The following PSMD6 variants were observed in gnomAD, a reference collection of about 807,000 sequenced individuals.
The protein encoded by PSMD6 is proteasome 26S subunit, non-ATPase 6, also known as 26S proteasome non-ATPase regulatory subunit 6.
PSMD6 carries 7 observed loss-of-function variants against 44.9 expected under a neutral mutation model. The observed-to-expected ratio is 0.16, with a 90% CI of 0.09 to 0.29. The LOEUF (loss-of-function observed/expected upper bound fraction) is 0.29. Ranked by LOEUF, PSMD6 falls within the 10% of genes least tolerant of loss-of-function variation. PSMD6 has a pLI of 1.00. For synonymous variants in PSMD6, 184 were observed against 172.7 expected (o/e 1.07, Z -0.51); for missense variants, 420 against 482.6 (o/e 0.87, Z 1.21).
At chr3:64,017,008 G>A (rs2076054413) in intron 5 of PSMD6, 1 of 152,146 alleles carries the variant, frequency 6.6e-6, no homozygotes, top group Non-Finnish European at 1.5e-5. Context: ...GCTACAACAT[G>A]GATGAATGTG....
At position 64,023,318 on chromosome 3, in the gene PSMD6, G is replaced by A. The variant is rs765219283; in HGVS notation, c.102C>T (p.Asp34=). The part of the protein sequence containing the change: ...FLLSLPEHRG[D]AAVRDELMAA... ...CCATCAGCTCGTCGCGCACGGCAGCGTCTCCGCGGTGCTCGGGCAGGCTGA... is the reference window on the plus strand; with the variant it reads ...CCATCAGCTCGTCGCGCACGGCAGCATCTCCGCGGTGCTCGGGCAGGCTGA... The change falls in exon 1 of 8, where the codon GAC becomes GAT. Residue 34 remains aspartate, a synonymous_variant. Coordinates refer to ENST00000295901, the MANE Select transcript of PSMD6 (RefSeq NM_014814.3). 79 of 1,597,402 alleles carry A rather than the reference G, an allele frequency of 4.9e-5. 1 individual carries two copies. Among genetic ancestry groups the A allele is most frequent in the Non-Finnish European group, 6.3e-5 (74 of 1,172,626 alleles).
At chr3:64,011,507 A>AAAAAG (rs2075950185) in intron 6 of PSMD6, 1 of 149,086 alleles carries the variant, frequency 6.7e-6, no homozygotes, top group African/African-American at 2.6e-5. Context: ...TAAGGGAGAA[A>AAAAAG]AAAAGAATAA....
At chr3:64,020,163 A>G (rs1031438517) in intron 2 of PSMD6, among the ~76,000 whole-genome samples, 1 of 152,226 alleles carries the variant, frequency 6.6e-6, no homozygotes, top group African/African-American at 2.4e-5. Flanking sequence ...AAATAAGACT[A>G]ATGAGATATG....
At chr3:64,020,495 T>G (rs1228117479) in intron 2 of PSMD6, among the ~76,000 whole-genome samples, 1 of 152,196 alleles carries the variant, frequency 6.6e-6, no homozygotes, top group East Asian at 1.9e-4. Context: ...AGTTTCTCAT[T>G]CATATGTAAT....
Position 64,023,450 on chromosome 3 carries a change from A to G in PSMD6, c.-31T>C. The G allele has an allele frequency of 6.4e-7, 1 of 1,560,902 alleles. No homozygotes were observed. Among genetic ancestry groups the G allele is most frequent in the South Asian group, 1.1e-5 (1 of 87,332 alleles). On this transcript the variant is annotated 5_prime_UTR_variant, in exon 1 of 8. Transcript: ENST00000295901. ...CGAAGGGGACAGCGGCTGACAGGAC[A>G]CAACTTGGTTACGACCGGCTGCGGC...
At position 64,022,334 on chromosome 3, in the gene PSMD6, C is replaced by G. The variant is rs940631466; in HGVS notation, c.335G>C (p.Cys112Ser). ...DAMMAKAEYL[C>S]RIGDKEGALT... ...TCTACTCACTTTGTCACCTATCCGG[C>G]AGAGGTACTCGGCCTTTGCCATCAT... Residue 112 changes from cysteine to serine, a missense_variant, in exon 2 of 8, where the codon TGC becomes TCC. Cys to Ser is a moderately radical substitution (Grantham distance 112). This residue lies in a region of PSMD6 where 216 missense variants were observed against 227.0 expected (regional missense o/e 0.95). Transcript: ENST00000295901. 1.9e-6 allele frequency: 3 copies of G among 1,614,114 alleles called. No individual in the cohort carries two copies. The African/African-American group carries it at 4.0e-5, about 22-fold the overall frequency.
chr3:64,011,172 T>TAGATAGAAAG (rs1263587212), intron 6 of PSMD6: 3 of 419,828 alleles, frequency 7.1e-6, no homozygotes, highest in Non-Finnish European at 1.3e-5. Flanking sequence ...CATATTCAGA[T>TAGATAGAAAG]AGATAGAAAG....
chr3:64,010,805 A>G (rs1019339403), intron 7 of PSMD6, 41 bp from the exon 8 acceptor site: 22 of 1,578,438 alleles, frequency 1.4e-5, no homozygotes, highest in Non-Finnish European at 1.7e-5. Flanking sequence ...TTTACCAGTC[A>G]CATTATTCCA....
upstream of PSMD6, chr3:64,023,578 C>T (rs1250076703): frequency 1.4e-6 from 2 of 1,413,436 alleles, no homozygotes; most frequent in Non-Finnish European, 1.8e-6. Flanking sequence ...TCCGGGAACG[C>T]CTCACCCGGC....
At chr3:64,022,695 G>A in intron 1 of PSMD6, 172 bp from the exon 2 acceptor site, 1 of 1,537,250 alleles carries the variant, frequency 6.5e-7, no homozygotes, top group Non-Finnish European at 8.7e-7. Flanking sequence ...ATAAACGTAT[G>A]CTGGTGGGAG....
chr3:64,020,528 C>T (rs1269142571), intron 2 of PSMD6, among the ~76,000 whole-genome samples: 1 of 152,046 alleles, frequency 6.6e-6, no homozygotes. Context: ...AAAACCAAGC[C>T]ACAAACATAC....
intron 5 of PSMD6, chr3:64,016,188 A>G (rs1299595388): frequency 4.6e-5 from 7 of 151,610 alleles, no homozygotes; most frequent in African/African-American, 1.7e-4. Flanking sequence ...CTCTGTCTCA[A>G]ATAAATAAAT....
rs772151246 is a variant in PSMD6, at chr3:64,019,004, T to C, written c.531A>G (p.Arg177=). 2 of 1,611,536 alleles carry C rather than the reference T, an allele frequency of 1.2e-6. No individual in the cohort carries two copies. Among genetic ancestry groups the C allele is most frequent in the Admixed American group, 3.3e-5 (2 of 60,020 alleles). Residue 177 remains arginine (R), a synonymous_variant, in exon 4 of 8, where the codon AGA becomes AGG. Coordinates refer to ENST00000295901, the MANE Select transcript of PSMD6 (RefSeq NM_014814.3). ...GACCCTGATACACTTTTAGGCGGTT[T>C]CTCCTGTCCCAGTCTCCTCCTTCTT... The part of the protein sequence containing the change: ...LIEEGGDWDR[R]NRLKVYQGLY...
chr3:64,012,964 T>C (rs1271715838), intron 6 of PSMD6: 1 of 152,580 alleles, frequency 6.6e-6, no homozygotes, highest in Non-Finnish European at 1.5e-5. Flanking sequence ...CATATAGTAA[T>C]GAATGGCTCA....
chr3:64,023,951 T>C (rs2076176577), upstream of PSMD6: 1 of 766,832 alleles, frequency 1.3e-6, no homozygotes, highest in African/African-American at 1.8e-5. Flanking sequence ...GTAACAGCCA[T>C]GTCGCAAGGC....
chr3:64,019,355 C>T lies in PSMD6; in HGVS notation c.438G>A (p.Arg146=). The T allele has an allele frequency of 6.2e-7, 1 of 1,601,730 alleles. No homozygotes were observed. Among genetic ancestry groups the T allele is most frequent in the Non-Finnish European group, 8.6e-7 (1 of 1,168,746 alleles). Residue 146 remains arginine (R), a synonymous_variant, in exon 3 of 8, where the codon AGG becomes AGA. Transcript: ENST00000295901. The part of the protein sequence containing the change: ...HRLDIVFYLL[R]IGLFYMDNDL... ...CATTATCCATATAAAATAAGCCAAT[C>T]CTAAGGAGATAGAATACAATATCCA...
chr3:64,022,879 C>T, intron 1 of PSMD6: 1 of 1,505,270 alleles, frequency 6.6e-7, no homozygotes. Flanking sequence ...TACAGAAGGG[C>T]CAGAAAGAAC....
intron 6 of PSMD6, 51 bp downstream of exon 6, chr3:64,013,388 T>TTTA (rs1400844016): frequency 1.4e-6 from 2 of 1,467,252 alleles, no homozygotes; most frequent in East Asian, 4.9e-5. Context: ...GTTCACATAT[T>TTTA]TTAAAAGGCA....
chr3:64,023,197 A>G lies in PSMD6; in HGVS notation c.145+78T>C, dbSNP rs1359765342. The G allele has an allele frequency of 1.4e-5, 20 of 1,468,938 alleles. No individual in the cohort carries two copies. The South Asian group carries it at 1.7e-4, about 13-fold the overall frequency. The allele number at this position is 1,468,938 out of a possible 1,614,324, so 91.0% of individuals were successfully genotyped here. On this transcript the variant is annotated intron_variant, in intron 1 of 7. Coordinates refer to ENST00000295901, the MANE Select transcript of PSMD6 (RefSeq NM_014814.3). ...GTCAGAGGGGTCTGGAGCTCCATCA[A>G]AAAAAGTCCCCGCAGGCTCCGGAAC...
Sources: allele counts gnomAD v4.1 joint callset (sites outside exome capture counted in the v4.1 genomes callset), GRCh38; gene constraint gnomAD v4.1.1; regional missense constraint gnomAD v4.1.1; transcripts MANE v1.5; gene names NCBI Gene and HGNC (gene_info 2026-07-23, HGNC 2026-07-21).